PPP1R13B: variants seen among roughly 807,000 people sequenced by gnomAD.
The protein encoded by PPP1R13B is apoptosis-stimulating of p53 protein 1.
PPP1R13B carries 44 observed loss-of-function variants against 119.8 expected under a neutral mutation model. That is an observed-to-expected ratio of 0.37 (90% CI 0.29 to 0.47). The LOEUF (loss-of-function observed/expected upper bound fraction) is 0.47, where lower values mean the gene tolerates loss of function less well. Ranked by LOEUF, PPP1R13B falls within the 20% of genes least tolerant of loss-of-function variation. PPP1R13B has a pLI of 0.99. For missense variants in PPP1R13B, 1,227 were observed against 1,413.5 expected (o/e 0.87, Z 2.12); for synonymous variants, 542 against 561.5 (o/e 0.97, Z 0.49).
intron 2 of PPP1R13B, chr14:103,794,633 C>G (rs1265122534): frequency 2.2e-6 from 1 of 447,786 alleles, no homozygotes; most frequent in Admixed American, 2.4e-5. Context: ...CGGCCAGGTG[C>G]AGTAAGTTTT....
chr14:103,762,774 G>T, intron 4 of PPP1R13B: 3 of 712,788 alleles, frequency 4.2e-6, no homozygotes, highest in Non-Finnish European at 7.7e-6. Context: ...TGTGGGGGCA[G>T]GTGGTGGCGG....
Position 103,740,611 on chromosome 14 carries a change from G to A in PPP1R13B, c.1823-18C>T. On this transcript the variant is annotated intron_variant, in intron 11 of 16. Transcript: ENST00000202556. The surrounding 1 kb of genome is among the most constrained non-coding windows in gnomAD (Gnocchi z 4.6). ...ACCATACACTGGGGAAGACACAAAG[G>A]ACAGGCAATTTTGACCTCACTACAG... The A allele has an allele frequency of 6.7e-7, 1 of 1,491,348 alleles. No individual in the cohort carries two copies. Among genetic ancestry groups the A allele is most frequent in the South Asian group, 1.4e-5 (1 of 72,718 alleles). 92.4% of individuals were successfully genotyped at this position (1,491,348 alleles called of 1,614,324 possible).
chr14:103,754,593 C>T (rs1323116702), intron 5 of PPP1R13B, among the ~76,000 whole-genome samples: 2 of 137,434 alleles, frequency 1.5e-5, no homozygotes, highest in Non-Finnish European at 3.1e-5. Context: ...AAAATTGAAA[C>T]TTATGATTAC....
At position 103,755,742 on chromosome 14, in the gene PPP1R13B, GA is replaced by G. The variant is rs555445192; in HGVS notation, c.457-1499del. On this transcript the variant is annotated intron_variant, in intron 5 of 16. Transcript: ENST00000202556. ...AGCAATACTCTTGGATCAATATTTG[GA>G]AAAAAATAAAAAGCAGAATTAGAAA... is the stretch of plus-strand genomic sequence containing the variant. Among the ~76,000 whole-genome samples, 34 of 152,024 alleles carry G rather than the reference GA, an allele frequency of 2.2e-4. No individual in the cohort carries two copies. The East Asian group carries it at 4.6e-3, about 21-fold the overall frequency.
At position 103,757,747 on chromosome 14, in the gene PPP1R13B, C is replaced by T. The variant is rs749853441; in HGVS notation, c.359G>A (p.Gly120Glu). Residue 120 changes from glycine to glutamate, a missense_variant, in exon 5 of 17, where the codon GGG (glycine) becomes GAG (glutamate). By Grantham distance (98) the Gly-to-Glu change is moderately conservative. Coordinates refer to ENST00000202556, the MANE Select transcript of PPP1R13B (RefSeq NM_015316.3). ...PGEKRTENGV[G>E]NPRVELTLSE... ...GAGGGTAAGTTCAACACGTGGATTCCCAACCTAAACAAAAAGCACTTATTT... is the reference window on the plus strand; with the variant it reads ...GAGGGTAAGTTCAACACGTGGATTCTCAACCTAAACAAAAAGCACTTATTT... The T allele has an allele frequency of 3.0e-5, 49 of 1,612,804 alleles. No individual in the cohort carries two copies. The highest frequency in any genetic ancestry group is 4.2e-5 in the Non-Finnish European group (49 of 1,179,402).
At position 103,776,119 on chromosome 14, in the gene PPP1R13B, T is replaced by C. The variant is rs371362978; in HGVS notation, c.354+2626A>G. Among the ~76,000 whole-genome samples, 44 of 142,718 alleles carry C rather than the reference T, an allele frequency of 3.1e-4. 1 individual carries two copies. In the East Asian group the frequency reaches 4.3e-3, roughly 14 times the overall value. The allele number at this position is 142,718 out of a possible 152,430, so 93.6% of individuals were successfully genotyped here. ...ATTGTCAACCTTTACAACATGAAAG[T>C]CTGGTACAGCTGCAAGAGCTGGAAG... is the stretch of plus-strand genomic sequence containing the variant. On this transcript the variant is annotated intron_variant, in intron 4 of 16. Transcript: ENST00000202556.
At chr14:103,809,357 T>G (rs1352092276) in intron 1 of PPP1R13B, among the ~76,000 whole-genome samples, 1 of 152,224 alleles carries the variant, frequency 6.6e-6, no homozygotes, top group East Asian at 1.9e-4. Flanking sequence ...TTACTTAGTA[T>G]ATAGTCCCTT....
Position 103,734,804 on chromosome 14 carries a change from G to A in PPP1R13B, c.*350C>T, listed in dbSNP as rs559238096. The A allele has an allele frequency of 4.4e-6, 2 of 457,680 alleles. No individual in the cohort carries two copies. The highest frequency in any genetic ancestry group is 6.1e-5 in the East Asian group (1 of 16,390). 28.4% of individuals were successfully genotyped at this position (457,680 alleles called of 1,614,324 possible). A position where few individuals can be genotyped will look rare whatever the true frequency, so the allele number is the denominator to read the frequency against. On this transcript the variant is annotated 3_prime_UTR_variant, in exon 17 of 17. Coordinates refer to ENST00000202556, the MANE Select transcript of PPP1R13B (RefSeq NM_015316.3). ...AGTGTTCACTGCTGGAGGGGGTGAT[G>A]GCCTCGGGGCCAAGTCAGTAAGAGC...
At chr14:103,762,576 T>G (rs1024674030) in intron 4 of PPP1R13B, among the ~76,000 whole-genome samples, 6 of 146,700 alleles carry the variant, frequency 4.1e-5, no homozygotes, top group African/African-American at 1.5e-4. Context: ...TGTGCACATG[T>G]ACCCTAAAAC....
Position 103,734,248 on chromosome 14 carries a change from A to G in PPP1R13B, c.*906T>C. 1 of 288,878 alleles carries G rather than the reference A, an allele frequency of 3.5e-6. No homozygotes were observed. The highest frequency in any genetic ancestry group is 7.0e-6 in the Non-Finnish European group (1 of 143,074). The allele number at this position is 288,878 out of a possible 1,614,324, so 17.9% of individuals were successfully genotyped here. A position where few individuals can be genotyped will look rare whatever the true frequency, so the allele number is the denominator to read the frequency against. Reference sequence around the variant, plus strand: ...CTTGGTGGCGGCCCCTCCTGACACCAGGCGTCTGCCATCCTTCAGGCACCA... The same window carrying G: ...CTTGGTGGCGGCCCCTCCTGACACCGGGCGTCTGCCATCCTTCAGGCACCA... On this transcript the variant is annotated 3_prime_UTR_variant, in exon 17 of 17. Transcript: ENST00000202556.
chr14:103,847,678 CG>C, upstream of PPP1R13B: 9 of 946,188 alleles, frequency 9.5e-6, no homozygotes, highest in Non-Finnish European at 1.1e-5. Context: ...CCGGTGGGAG[CG>C]GGGGCGGGGA....
intron 15 of PPP1R13B, chr14:103,737,154 A>C (rs1418374381): frequency 6.6e-6 from 1 of 152,510 alleles, no homozygotes; most frequent in African/African-American, 2.4e-5. Flanking sequence ...TCTGGCACAG[A>C]ATCCTTCTAA....
intron 4 of PPP1R13B, among the ~76,000 whole-genome samples, chr14:103,778,226 TTTACAGGC>T (rs1313603801): frequency 4.2e-5 from 2 of 47,534 alleles, no homozygotes; most frequent in Non-Finnish European, 8.6e-5. Context: ...AATGCTGGGA[TTTACAGGC>T]ATGAGCCACC....
chr14:103,781,878 T>A (rs1260282225), intron 3 of PPP1R13B, among the ~76,000 whole-genome samples: 4 of 152,094 alleles, frequency 2.6e-5, no homozygotes, highest in African/African-American at 9.7e-5. Context: ...GGTCTCGATC[T>A]CCTGACCTCG....
At chr14:103,748,607 CT>C (rs1264252104) in intron 8 of PPP1R13B, among the ~76,000 whole-genome samples, 2 of 152,248 alleles carry the variant, frequency 1.3e-5, no homozygotes. Flanking sequence ...GCACTCAGCT[CT>C]GCATTCAGGC....
intron 1 of PPP1R13B, among the ~76,000 whole-genome samples, chr14:103,837,700 C>A (rs1012834876): frequency 5.3e-5 from 8 of 152,176 alleles, no homozygotes; most frequent in Admixed American, 3.3e-4. Flanking sequence ...TGTTTCCTAA[C>A]TACTCTTCCT....
rs1362091133 is a variant in PPP1R13B at position 103,748,283 on chromosome 14, G to A, written c.969+1511C>T. On this transcript the variant is annotated intron_variant, in intron 8 of 16. Transcript: ENST00000202556. ...AACCAACATCTGAAATCATAAAGTT[G>A]TACAAATAAACTACTGATCTTTAAA... Among the ~76,000 whole-genome samples, 3 of 152,244 alleles carry A rather than the reference G, an allele frequency of 2.0e-5. No individual in the cohort carries two copies. The East Asian group carries it at 5.8e-4, about 29-fold the overall frequency.
Position 103,738,834 on chromosome 14 carries a change from C to T in PPP1R13B, c.2731-22G>A, listed in dbSNP as rs376827512. The T allele has an allele frequency of 2.4e-5, 38 of 1,613,630 alleles. No individual in the cohort carries two copies. The highest frequency in any genetic ancestry group is 6.7e-5 in the East Asian group (3 of 44,852). ...CCACCTAGGACACACGGCCTGTGAG[C>T]GCCCATCCCCTCGCCCCCAGCAGCG... On this transcript the variant is annotated intron_variant, in intron 13 of 16. Coordinates refer to ENST00000202556, the MANE Select transcript of PPP1R13B (RefSeq NM_015316.3). The surrounding 1 kb of genome is among the most constrained non-coding windows in gnomAD (Gnocchi z 5.6).
chr14:103,832,643 T>C (rs951742981), intron 1 of PPP1R13B, among the ~76,000 whole-genome samples: 1 of 152,184 alleles, frequency 6.6e-6, no homozygotes, highest in African/African-American at 2.4e-5. Flanking sequence ...TTAACTTAAA[T>C]TGCAGCACTT....
Sources: gnomAD v4.1 joint callset for allele counts (sites outside exome capture counted in the v4.1 genomes callset) on GRCh38, gnomAD v4.1.1 for gene constraint, Gnocchi (gnomAD v3.1) non-coding constraint, MANE v1.5 for transcripts, NCBI Gene and HGNC (gene_info 2026-07-23, HGNC 2026-07-21) for gene names.